The following GLIS3 variants were observed in gnomAD, a reference collection of about 807,000 sequenced individuals.
GLIS3 encodes zinc finger protein GLIS3.
In GLIS3, 53 loss-of-function variants were observed where a neutral mutation model predicts 78.6. The observed-to-expected ratio is 0.67, with a 90% CI of 0.54 to 0.85. GLIS3 has a LOEUF of 0.85. Ranked by LOEUF, GLIS3 falls within the 40% of genes least tolerant of loss-of-function variation. The probability of loss-of-function intolerance (pLI) is 0.00; values close to 1 mark genes in which losing one functional copy is unlikely to be tolerated. For missense variants in GLIS3, 1,703 were observed against 1,231.1 expected, an observed-to-expected ratio of 1.38 and a Z score of -5.74; for synonymous variants, 684 against 509.9, an observed-to-expected ratio of 1.34 and a Z score of -4.60.
At chr9:4,123,123 A>C (rs887973003) in intron 3 of GLIS3, among the ~76,000 whole-genome samples, 30 of 152,290 alleles carry the variant, frequency 2.0e-4, no homozygotes, top group African/African-American at 6.7e-4. Flanking sequence ...AAATACAAAC[A>C]GCCAATAAAT....
At chr9:4,343,148 G>C (rs922269375) in intron 2 of GLIS3, among the ~76,000 whole-genome samples, 10 of 150,592 alleles carry the variant, frequency 6.6e-5, no homozygotes, top group African/African-American at 2.4e-4. Flanking sequence ...AGACCAGCCT[G>C]GGCAACATAG....
chr9:3,906,631 G>A (rs942635118), intron 6 of GLIS3, among the ~76,000 whole-genome samples: 5 of 152,158 alleles, frequency 3.3e-5, no homozygotes, highest in African/African-American at 1.2e-4. Flanking sequence ...AGAGCACGAT[G>A]GGGCCGGACC....
chr9:4,072,934 C>T (rs1827730471), intron 4 of GLIS3, among the ~76,000 whole-genome samples: 1 of 151,898 alleles, frequency 6.6e-6, no homozygotes, highest in Admixed American at 6.6e-5. Flanking sequence ...AGTAAAACAA[C>T]TCTTAAATAA....
chr9:4,153,798 T>C (rs546420556), intron 2 of GLIS3, among the ~76,000 whole-genome samples: 19 of 152,358 alleles, frequency 1.2e-4, no homozygotes, highest in African/African-American at 4.6e-4. Context: ...CATGTTCTGA[T>C]TATCTACTGC....
intron 9 of GLIS3, among the ~76,000 whole-genome samples, chr9:3,833,781 T>C: frequency 6.6e-6 from 1 of 152,198 alleles, no homozygotes; most frequent in East Asian, 1.9e-4. Flanking sequence ...CCCTCTACTT[T>C]AAAAGTTATT....
intron 2 of GLIS3, among the ~76,000 whole-genome samples, chr9:4,256,279 A>G (rs1411174161): frequency 6.6e-6 from 1 of 152,206 alleles, no homozygotes; most frequent in African/African-American, 2.4e-5. Context: ...TTTGTATCAT[A>G]CCATTCAGCA....
intron 9 of GLIS3, among the ~76,000 whole-genome samples, chr9:3,839,580 A>G (rs1818589744): frequency 6.9e-6 from 1 of 145,144 alleles, no homozygotes; most frequent in Non-Finnish European, 1.5e-5. Context: ...CCAAGTTTAC[A>G]GCCAAAAAAA....
At chr9:4,020,923 C>G (rs1466450950) in intron 4 of GLIS3, among the ~76,000 whole-genome samples, 1 of 152,186 alleles carries the variant, frequency 6.6e-6, no homozygotes, top group Non-Finnish European at 1.5e-5. Context: ...CACCTGCACA[C>G]AGTTCCAAAA....
At chr9:3,829,602 T>TAAGAGTTAAAGGCA in intron 9 of GLIS3, 110 bp from the exon 10 acceptor site, 1 of 1,069,202 alleles carries the variant, frequency 9.4e-7, no homozygotes, top group Non-Finnish European at 1.4e-6. Flanking sequence ...ACAAATGCCT[T>TAAGAGTTAAAGGCA]TAACTCTTAA....
chr9:4,126,457 A>C (rs1011636850), intron 2 of GLIS3, among the ~76,000 whole-genome samples: 8 of 150,702 alleles, frequency 5.3e-5, no homozygotes, highest in Non-Finnish European at 1.0e-4. Flanking sequence ...TCATCTCAAC[A>C]CATTGTCATT....
chr9:4,472,640 G>C, the GLIS3 span, among the ~76,000 whole-genome samples: 1 of 152,050 alleles, frequency 6.6e-6, no homozygotes, highest in Admixed American at 6.6e-5. Flanking sequence ...ATAGCATTAG[G>C]AGATATACCT....
intron 1 of GLIS3, among the ~76,000 whole-genome samples, chr9:4,296,903 CAAAAAAAAAAAAA>C (rs71324297): frequency 8.8e-6 from 1 of 114,172 alleles, no homozygotes; most frequent in African/African-American, 3.3e-5. Context: ...TTCTCAATTG[CAAAAAAAAAAAAA>C]AAAAAAAAAA....
At chr9:3,860,477 T>G (rs989960762) in intron 8 of GLIS3, among the ~76,000 whole-genome samples, 1 of 152,082 alleles carries the variant, frequency 6.6e-6, no homozygotes. Flanking sequence ...TCCCCAGCCA[T>G]GCAGTGGGGT....
chr9:4,255,061 T>C (rs555530759), intron 2 of GLIS3, among the ~76,000 whole-genome samples: 1 of 152,286 alleles, frequency 6.6e-6, no homozygotes, highest in East Asian at 1.9e-4. Flanking sequence ...CTAAAGACCT[T>C]AGCAGACATT....
intron 6 of GLIS3, among the ~76,000 whole-genome samples, chr9:3,931,554 A>G (rs1825616909): frequency 6.6e-6 from 1 of 152,170 alleles, no homozygotes; most frequent in African/African-American, 2.4e-5. Context: ...GTTTTCTGCC[A>G]TGAATAGAAG....
the GLIS3 span, among the ~76,000 whole-genome samples, chr9:4,353,922 G>T: frequency 6.6e-6 from 1 of 152,026 alleles, no homozygotes. Context: ...CAGTCTCCCA[G>T]GTTCACGCCA....
the GLIS3 span, among the ~76,000 whole-genome samples, chr9:4,446,982 C>G: frequency 6.6e-6 from 1 of 152,126 alleles, no homozygotes; most frequent in Admixed American, 6.6e-5. Flanking sequence ...GATTCTTACT[C>G]TGCTACCCTT....
At chr9:4,166,217 A>G (rs1835881055) in intron 2 of GLIS3, among the ~76,000 whole-genome samples, 1 of 152,214 alleles carries the variant, frequency 6.6e-6, no homozygotes. Flanking sequence ...GTTAGCTATA[A>G]TCAATACGTT....
the GLIS3 span, among the ~76,000 whole-genome samples, chr9:4,391,395 T>C: frequency 2.0e-5 from 3 of 152,260 alleles, no homozygotes; most frequent in Non-Finnish European, 4.4e-5. Context: ...TAGTTTTAAC[T>C]CTACTTCTTT....
Sources: allele counts gnomAD v4.1 joint callset (sites outside exome capture counted in the v4.1 genomes callset), GRCh38; gene constraint gnomAD v4.1.1; transcripts MANE v1.5; gene names NCBI Gene and HGNC (gene_info 2026-07-23, HGNC 2026-07-21).